The following WRAP73 variants were observed in gnomAD, a reference collection of about 807,000 sequenced individuals.
WRAP73 encodes the protein WD repeat-containing protein WRAP73.
In WRAP73, 55 loss-of-function variants were observed where a neutral mutation model predicts 59.6. The observed-to-expected ratio is 0.92, with a 90% CI of 0.74 to 1.15. The LOEUF is 1.15. Among genes scored for constraint, WRAP73 ranks in the 50% most tolerant of loss-of-function variants. The pLI is 0.00. For missense variants in WRAP73, 592 were observed against 608.1 expected (o/e 0.97, Z 0.28); for synonymous variants, 265 against 258.2 (o/e 1.03, Z -0.25).
At position 3,646,636 on chromosome 1, in the gene WRAP73, C is replaced by G. The variant is rs1467079358; in HGVS notation, c.339+30G>C. 2 of 1,562,506 alleles carry G rather than the reference C, an allele frequency of 1.3e-6. No individual in the cohort carries two copies. The highest frequency in any genetic ancestry group is 1.8e-6 in the Non-Finnish European group (2 of 1,142,328). ...GAGAGCAGAGGACAGGATCACATGG[C>G]CAGTAAGGTGTCTTGGGGCTGACAC... On this transcript the variant is annotated intron_variant, in intron 3 of 11. Coordinates refer to ENST00000270708, the MANE Select transcript of WRAP73 (RefSeq NM_017818.4). The surrounding 1 kb of genome is among the most constrained non-coding windows in gnomAD (Gnocchi z 5.1).
intron 3 of WRAP73, among the ~76,000 whole-genome samples, chr1:3,640,400 C>T (rs114105634): frequency 0.063 from 9,464 of 151,218 alleles, 793 homozygotes; most frequent in African/African-American, 0.21. Context: ...ATCAGCAGGG[C>T]GGGGTGGAGC....
intron 10 of WRAP73, 188 bp downstream of exon 10, chr1:3,632,025 G>C: frequency 6.8e-7 from 1 of 1,477,952 alleles, no homozygotes; most frequent in Non-Finnish European, 8.9e-7. Flanking sequence ...GCGCGGACCT[G>C]CGGCTGCTGC....
At chr1:3,635,543 G>A (rs564952282) in intron 6 of WRAP73, 116 of 566,276 alleles carry the variant, frequency 2.0e-4, no homozygotes, top group South Asian at 2.9e-4. Flanking sequence ...CAACTCGGCC[G>A]GGCACTGTGG....
At position 3,631,494 on chromosome 1, in the gene WRAP73, GC is replaced by G; in HGVS notation, c.1211del (p.Gly404AlafsTer22). 6.2e-7 allele frequency: 1 copy of G among 1,606,630 alleles called. No homozygotes were observed. Among genetic ancestry groups the G allele is most frequent in the Non-Finnish European group, 8.5e-7 (1 of 1,176,976 alleles). On this transcript the variant is annotated frameshift_variant, in exon 11 of 12. Coordinates refer to ENST00000270708, the MANE Select transcript of WRAP73 (RefSeq NM_017818.4). LOFTEE classifies it high-confidence loss of function. The part of the protein sequence containing the change: ...GSRLYLWSPA[G>X]CMSVQVPGEG... ...CCCCAGGCACCTGCACCGACATGCA[GC>G]CCGCTGGGGACCACAGGTAGAGCCT... is the stretch of plus-strand genomic sequence containing the variant.
chr1:3,649,506 G>A (rs573303937), intron 1 of WRAP73, among the ~76,000 whole-genome samples: 2 of 152,272 alleles, frequency 1.3e-5, no homozygotes, highest in South Asian at 4.1e-4. Context: ...AGTCGGCACT[G>A]CCGATACCCA....
chr1:3,640,486 CCCGAGG>C (rs1440481202), intron 3 of WRAP73, among the ~76,000 whole-genome samples: 57 of 26,720 alleles, frequency 2.1e-3, no homozygotes, highest in African/African-American at 6.3e-3. Flanking sequence ...GGGTGGAACA[CCCGAGG>C]CTCTGAGCAT....
chr1:3,644,942 T>C (rs1644675501), intron 3 of WRAP73, among the ~76,000 whole-genome samples: 1 of 152,210 alleles, frequency 6.6e-6, no homozygotes, highest in African/African-American at 2.4e-5. Flanking sequence ...ATTACAGGCC[T>C]GAAGACTGTT....
In WRAP73 at chr1:3,636,045, G is replaced by T. The variant is rs369704558; in HGVS notation, c.517-15C>A. On this transcript the variant is annotated splice_polypyrimidine_tract_variant and intron_variant, in intron 5 of 11. Coordinates refer to ENST00000270708, the MANE Select transcript of WRAP73 (RefSeq NM_017818.4). Reference sequence around the variant, plus strand: ...GTATCAAAATGCTTCCAAAGGAAGGGGGGGAAACATTAAATTTGGAAAATA... The same window carrying T: ...GTATCAAAATGCTTCCAAAGGAAGGTGGGGAAACATTAAATTTGGAAAATA... The T allele has an allele frequency of 7.9e-5, 126 of 1,600,348 alleles. No homozygotes were observed. In the African/African-American group the frequency reaches 1.2e-3, roughly 15 times the overall value.
At chr1:3,636,409 T>C in intron 5 of WRAP73, 1 of 310,204 alleles carries the variant, frequency 3.2e-6, no homozygotes, top group Admixed American at 4.8e-5. Context: ...GAAGGTGGCT[T>C]GGTCTCCCCG....
intron 6 of WRAP73, 189 bp from the exon 7 acceptor site, chr1:3,635,483 G>A: frequency 2.7e-6 from 2 of 737,418 alleles, no homozygotes; most frequent in Non-Finnish European, 4.3e-6. Context: ...GAGAGCATGA[G>A]GAAAAAGGGG....
At chr1:3,634,757 G>T (rs1239262763) in intron 8 of WRAP73, 6 of 546,002 alleles carry the variant, frequency 1.1e-5, no homozygotes, top group African/African-American at 1.9e-5. Context: ...CTGGACTGGG[G>T]TGGCAGCGGC....
At position 3,639,906 on chromosome 1, in the gene WRAP73, AGTGGGGCCGCAGCGT is replaced by A. The variant is rs1644622791; in HGVS notation, c.340-1099_340-1085del. 6.6e-6 allele frequency among the ~76,000 whole-genome samples: 1 copy of A among 152,140 alleles called. No individual in the cohort carries two copies. Among genetic ancestry groups the A allele is most frequent in the Non-Finnish European group, 1.5e-5 (1 of 68,006 alleles). Reference sequence around the variant, plus strand: ...GTGGGGGACCGTCTCCAGCAGCGTAAGTGGGGCCGCAGCGTGTGGGGCACAGCATGTCCACAGTGT... The same window carrying A: ...GTGGGGGACCGTCTCCAGCAGCGTAAGTGGGGCACAGCATGTCCACAGTGT... On this transcript the variant is annotated intron_variant, in intron 3 of 11. Coordinates refer to ENST00000270708, the MANE Select transcript of WRAP73 (RefSeq NM_017818.4). The surrounding 1 kb of genome is among the most constrained non-coding windows in gnomAD (Gnocchi z 4.3).
Position 3,649,946 on chromosome 1 carries a change from C to T in WRAP73, c.54G>A (p.Pro18=). 6.2e-7 allele frequency: 1 copy of T among 1,603,436 alleles called. No homozygotes were observed. Among genetic ancestry groups the T allele is most frequent in the Non-Finnish European group, 8.5e-7 (1 of 1,176,234 alleles). Reference sequence around the variant, plus strand: ...CGCCGCTCACCAGGTACTTGCCGTCCGGGGAGAACTTGCAGAGTAAGCTGG... The same window carrying T: ...CGCCGCTCACCAGGTACTTGCCGTCTGGGGAGAACTTGCAGAGTAAGCTGG... ...KLSSLLCKFS[P]DGKYLASCVQ... is the part of the protein sequence containing the mutation. Residue 18 remains proline (P), a synonymous_variant, in exon 1 of 12, where the codon CCG becomes CCA. Coordinates refer to ENST00000270708, the MANE Select transcript of WRAP73 (RefSeq NM_017818.4).
At chr1:3,643,538 G>C (rs374598352) in intron 3 of WRAP73, among the ~76,000 whole-genome samples, 3 of 152,004 alleles carry the variant, frequency 2.0e-5, no homozygotes, top group African/African-American at 7.2e-5. Flanking sequence ...GTGGGGTGGC[G>C]CCTTCGCAAG....
In WRAP73 at chr1:3,633,442, GGCGGGAAGGAGAGGCA is replaced by G; in HGVS notation, c.862_877del (p.Cys288ArgfsTer28). Reference sequence around the variant, plus strand: ...GAGAGGGCCGGCCCCGGCCCGGGGCGGCGGGAAGGAGAGGCAGCCCAGTCCCAGCTGTGGGCTCTTC... The same window carrying G: ...GAGAGGGCCGGCCCCGGCCCGGGGCGGCCCAGTCCCAGCTGTGGGCTCTTC... On this transcript the variant is annotated frameshift_variant, in exon 9 of 12. Coordinates refer to ENST00000270708, the MANE Select transcript of WRAP73 (RefSeq NM_017818.4). LOFTEE classifies it high-confidence loss of function. The G allele has an allele frequency of 6.2e-7, 1 of 1,612,484 alleles. No individual in the cohort carries two copies. The highest frequency in any genetic ancestry group is 8.5e-7 in the Non-Finnish European group (1 of 1,179,758).
At chr1:3,631,813 G>C in intron 10 of WRAP73, 156 bp from the exon 11 acceptor site, 1 of 1,427,972 alleles carries the variant, frequency 7.0e-7, no homozygotes, top group East Asian at 2.5e-5. Flanking sequence ...GTTGGGCCCT[G>C]TAGGGCTCCT....
rs115919043 is a variant in WRAP73 at position 3,632,802 on chromosome 1, G to A, written c.923-464C>T. On this transcript the variant is annotated intron_variant, in intron 9 of 11. Coordinates refer to ENST00000270708, the MANE Select transcript of WRAP73 (RefSeq NM_017818.4). ...ACAAGGACGCCCCTGGGCTCCTGGG[G>A]AGCGCCTCCTGTGTGCCAGGCTGCA... The A allele has an allele frequency of 6.0e-3, 1,466 of 244,520 alleles. 15 individuals are homozygous for A. Among genetic ancestry groups the A allele is most frequent in the Non-Finnish European group, 8.1e-3 (1,006 of 123,970 alleles). The allele number at this position is 244,520 out of a possible 1,614,324, so 15.1% of individuals were successfully genotyped here. A position where few individuals can be genotyped will look rare whatever the true frequency, so the allele number is the denominator to read the frequency against.
intron 10 of WRAP73, chr1:3,631,884 T>TG (rs373532201): frequency 0.097 from 111,119 of 1,146,610 alleles, 1,353 homozygotes; most frequent in African/African-American, 0.26. Context: ...CTTTCTTTGG[T>TG]ATTTTTTTTT....
At chr1:3,636,270 T>C (rs1406985209) in intron 5 of WRAP73, 3 of 514,470 alleles carry the variant, frequency 5.8e-6, no homozygotes, top group Non-Finnish European at 1.1e-5. Context: ...TCCCCGCGCC[T>C]GCACTCGTGT....
Sources: allele counts gnomAD v4.1 joint callset (sites outside exome capture counted in the v4.1 genomes callset), GRCh38; gene constraint gnomAD v4.1.1; non-coding constraint Gnocchi (gnomAD v3.1); transcripts MANE v1.5; gene names NCBI Gene and HGNC (gene_info 2026-07-23, HGNC 2026-07-21).